The following HSD17B12 variants were observed in gnomAD, a reference collection of about 807,000 sequenced individuals.
The protein encoded by HSD17B12 is very-long-chain 3-oxoacyl-CoA reductase.
In HSD17B12, 32 loss-of-function variants were observed where a neutral mutation model predicts 39.3. The observed-to-expected ratio is 0.81, with a 90% CI of 0.61 to 1.09. The LOEUF is 1.09. Ranked by LOEUF, HSD17B12 falls within the 50% of genes least tolerant of loss-of-function variation. HSD17B12 has a pLI of 0.00. For missense variants in HSD17B12, 342 were observed against 382.9 expected, an observed-to-expected ratio of 0.89 and a Z score of 0.89; for synonymous variants, 150 against 146.7, an observed-to-expected ratio of 1.02 and a Z score of -0.16.
chr11:43,795,687 G>A (rs542342522), intron 3 of HSD17B12, among the ~76,000 whole-genome samples: 4 of 152,304 alleles, frequency 2.6e-5, no homozygotes, highest in African/African-American at 9.6e-5. Flanking sequence ...CTCCAGGAAA[G>A]GAGCCAGCCT....
At chr11:43,660,250 A>G in the HSD17B12 span, among the ~76,000 whole-genome samples, 2 of 152,176 alleles carry the variant, frequency 1.3e-5, no homozygotes, top group Admixed American at 1.3e-4. Context: ...TCTCTCATGC[A>G]TGGTTGTCCA....
chr11:43,771,910 T>C (rs756629282), intron 3 of HSD17B12, among the ~76,000 whole-genome samples: 8 of 152,198 alleles, frequency 5.3e-5, no homozygotes, highest in Non-Finnish European at 1.2e-4. Flanking sequence ...GTTTCTTCTA[T>C]AAACTGTCAC....
the HSD17B12 span, among the ~76,000 whole-genome samples, chr11:43,562,912 T>C: frequency 6.6e-6 from 1 of 152,136 alleles, no homozygotes. Flanking sequence ...GATCTGGACC[T>C]CAAGTGTGGG....
intron 1 of HSD17B12, among the ~76,000 whole-genome samples, chr11:43,743,892 G>A (rs1950390911): frequency 6.6e-6 from 1 of 152,160 alleles, no homozygotes; most frequent in East Asian, 1.9e-4. Context: ...AAATGTAAAT[G>A]TGTAAACAAA....
intron 7 of HSD17B12, among the ~76,000 whole-genome samples, chr11:43,835,337 C>T (rs1266386163): frequency 1.3e-5 from 2 of 152,040 alleles, no homozygotes; most frequent in South Asian, 4.2e-4. Context: ...ATTTAAAGGG[C>T]GAGTCTTTTG....
At chr11:43,615,103 A>G in the HSD17B12 span, among the ~76,000 whole-genome samples, 1 of 152,042 alleles carries the variant, frequency 6.6e-6, no homozygotes, top group African/African-American at 2.4e-5. Context: ...GTTGAGTTTT[A>G]TTCTGTCAGG....
At chr11:43,778,287 A>C (rs1039670599) in intron 3 of HSD17B12, among the ~76,000 whole-genome samples, 185 of 152,366 alleles carry the variant, frequency 1.2e-3, no homozygotes, top group African/African-American at 4.3e-3. Flanking sequence ...TAAACCAGGA[A>C]GAAGTTGAAT....
intron 4 of HSD17B12, among the ~76,000 whole-genome samples, chr11:43,814,531 A>G (rs919617085): frequency 6.6e-6 from 1 of 152,194 alleles, no homozygotes; most frequent in African/African-American, 2.4e-5. Flanking sequence ...GGGGAAAACC[A>G]TAGGATATTT....
chr11:43,590,829 T>A, the HSD17B12 span, among the ~76,000 whole-genome samples: 13 of 112,708 alleles, frequency 1.2e-4, no homozygotes, highest in South Asian at 2.8e-4. Context: ...TTTTTTTTTT[T>A]AAATCTGTGG....
At chr11:43,635,789 A>G in the HSD17B12 span, among the ~76,000 whole-genome samples, 1 of 147,670 alleles carries the variant, frequency 6.8e-6, no homozygotes, top group African/African-American at 2.6e-5. Flanking sequence ...TGTGCTTCTT[A>G]AAAATGCTTC....
intron 4 of HSD17B12, among the ~76,000 whole-genome samples, chr11:43,809,152 T>C (rs1009884235): frequency 2.0e-5 from 3 of 152,216 alleles, no homozygotes; most frequent in African/African-American, 7.2e-5. Flanking sequence ...AAACAGGAGT[T>C]TGATAAATTT....
chr11:43,647,227 C>T, the HSD17B12 span, among the ~76,000 whole-genome samples: 3 of 152,106 alleles, frequency 2.0e-5, no homozygotes, highest in African/African-American at 7.2e-5. Context: ...CAGGTTCTTT[C>T]TAATCTCTTG....
chr11:43,584,342 T>C, the HSD17B12 span, among the ~76,000 whole-genome samples: 1 of 152,188 alleles, frequency 6.6e-6, no homozygotes, highest in African/African-American at 2.4e-5. Context: ...TCCTGGGGAC[T>C]TCTCAAACTA....
At chr11:43,564,454 C>A in the HSD17B12 span, among the ~76,000 whole-genome samples, 116 of 152,312 alleles carry the variant, frequency 7.6e-4, no homozygotes, top group African/African-American at 2.7e-3. Flanking sequence ...TTAGCCACTT[C>A]CCCAAAGCTA....
intron 6 of HSD17B12, 74 bp downstream of exon 6, chr11:43,816,465 G>A: frequency 7.8e-7 from 1 of 1,280,182 alleles, no homozygotes; most frequent in African/African-American, 1.5e-5. Context: ...TAATCAGCTT[G>A]TTCACCTGAG....
chr11:43,637,386 A>G, the HSD17B12 span, among the ~76,000 whole-genome samples: 3 of 151,884 alleles, frequency 2.0e-5, no homozygotes, highest in African/African-American at 7.3e-5. Flanking sequence ...ATGCCCAGCT[A>G]ATTTTTGTAT....
the HSD17B12 span, among the ~76,000 whole-genome samples, chr11:43,573,904 G>A: frequency 2.0e-5 from 3 of 152,148 alleles, no homozygotes; most frequent in African/African-American, 7.2e-5. Flanking sequence ...GGCGTCTCCT[G>A]TCCATCTGGC....
chr11:43,569,252 C>G, the HSD17B12 span: 5 of 152,232 alleles, frequency 3.3e-5, no homozygotes, highest in African/African-American at 1.2e-4. Context: ...AGACCTTCCA[C>G]TAGTTGCCCC....
At chr11:43,737,219 TAGTG>T (rs1257905560) in intron 1 of HSD17B12, among the ~76,000 whole-genome samples, 1 of 152,204 alleles carries the variant, frequency 6.6e-6, no homozygotes, top group African/African-American at 2.4e-5. Flanking sequence ...GAGCTAAAAA[TAGTG>T]AGTTTGCTTC....
Sources: allele counts gnomAD v4.1 joint callset (sites outside exome capture counted in the v4.1 genomes callset), GRCh38; gene constraint gnomAD v4.1.1; transcripts MANE v1.5; gene names NCBI Gene and HGNC (gene_info 2026-07-23, HGNC 2026-07-21).